Variants in UBN1 observed in about 807,000 individuals in gnomAD.
UBN1 encodes ubinuclein 1.
Under a neutral mutation model 108.5 loss-of-function variants are expected in UBN1, and 17 were observed. The observed-to-expected ratio is 0.16, with a 90% confidence interval of 0.11 to 0.24. The LOEUF is 0.24. Among genes scored for constraint, UBN1 ranks in the 10% least tolerant of loss-of-function variants. UBN1 has a pLI of 1.00. For synonymous variants in UBN1, 726 were observed against 564.2 expected (o/e 1.29, Z -4.07); for missense variants, 1,595 against 1,394.4 (o/e 1.14, Z -2.29).
intron 6 of UBN1, 136 bp downstream of exon 6, chr16:4,860,104 C>T (rs1337834396): frequency 1.0e-5 from 11 of 1,049,082 alleles, no homozygotes; most frequent in African/African-American, 3.2e-5. Context: ...GCACGCCTCC[C>T]GCAGTGCCAT....
intron 2 of UBN1, among the ~76,000 whole-genome samples, chr16:4,854,035 G>A (rs2086678755): frequency 6.6e-6 from 1 of 151,982 alleles, no homozygotes; most frequent in Admixed American, 6.6e-5. Context: ...TTAGATTTGT[G>A]GGGTTTTTTT....
At position 4,874,485 on chromosome 16, in the gene UBN1, A is replaced by C. The variant is rs1194152467; in HGVS notation, c.2075A>C (p.Glu692Ala). ...ALNSRAAGNS[E>A]FTLPAPSKAP... ...AATAGCAGAGCAGCTGGGAACTCTG[A>C]ATTCACACTGCCTGCACCCTCAAAA... Residue 692 changes from glutamate to alanine, a missense_variant, in exon 15 of 18, where the codon GAA becomes GCA. By Grantham distance (107) the Glu-to-Ala change is moderately radical. Around this residue, in one of 3 missense-constraint regions of UBN1, gnomAD observed 1,398 missense variants for 1,194.7 expected, o/e 1.17. Transcript: ENST00000262376. The C allele has an allele frequency of 6.2e-7, 1 of 1,614,214 alleles. No homozygotes were observed. Among genetic ancestry groups the C allele is most frequent in the Non-Finnish European group, 8.5e-7 (1 of 1,180,044 alleles).
intron 7 of UBN1, among the ~76,000 whole-genome samples, chr16:4,867,109 G>A (rs2087371999): frequency 6.6e-6 from 1 of 152,240 alleles, no homozygotes; most frequent in Non-Finnish European, 1.5e-5. Context: ...AATGCCATGT[G>A]AAGGAGTTTG....
chr16:4,866,433 C>G (rs554110301), intron 7 of UBN1, among the ~76,000 whole-genome samples: 18 of 152,226 alleles, frequency 1.2e-4, no homozygotes, highest in Non-Finnish European at 2.5e-4. Context: ...GATTCATTCA[C>G]TCAGTCAACA....
chr16:4,848,624 C>T (rs1418608518), intron 1 of UBN1, among the ~76,000 whole-genome samples: 2 of 152,118 alleles, frequency 1.3e-5, no homozygotes, highest in Admixed American at 6.5e-5. Flanking sequence ...GATCAGTTTC[C>T]CTGAAGTACC....
chr16:4,879,931 C>G (rs2088028627), intron 17 of UBN1, 152 bp from the exon 18 acceptor site: 1 of 778,416 alleles, frequency 1.3e-6, no homozygotes, highest in Non-Finnish European at 2.2e-6. Context: ...TAACTGCTGG[C>G]TGGTGTCTCA....
At chr16:4,871,048 A>G in intron 11 of UBN1, 76 bp downstream of exon 11, 6 of 1,604,054 alleles carry the variant, frequency 3.7e-6, no homozygotes, top group Non-Finnish European at 5.1e-6. Context: ...ATTGCTGACA[A>G]AGGTTAGGCT....
intron 2 of UBN1, among the ~76,000 whole-genome samples, chr16:4,854,210 T>C (rs2086688721): frequency 6.6e-6 from 1 of 151,350 alleles, no homozygotes; most frequent in African/African-American, 2.4e-5. Context: ...ATTTTTTGTA[T>C]TTTTAGTAGA....
At position 4,860,710 on chromosome 16, in the gene UBN1, T is replaced by C; in HGVS notation, c.718T>C (p.Ser240Pro). 3 of 1,613,812 alleles carry C rather than the reference T, an allele frequency of 1.9e-6. No homozygotes were observed. Among genetic ancestry groups the C allele is most frequent in the Non-Finnish European group, 2.5e-6 (3 of 1,179,990 alleles). Residue 240 changes from serine to proline, a missense_variant, in exon 7 of 18, where the codon TCT (serine) becomes CCT (proline). Transcript: ENST00000262376. ...TAAGGAGAAGAAGAAGAAGAAATAT[T>C]CTGGGGCTTTAAGCGTTAAAGAGAT... ...ASKEKKKKKY[S>P]GALSVKEMLK...
chr16:4,867,289 T>G (rs556083036), intron 7 of UBN1, among the ~76,000 whole-genome samples: 2 of 152,322 alleles, frequency 1.3e-5, no homozygotes, highest in African/African-American at 4.8e-5. Context: ...TCCACAGAAG[T>G]GCAGTTGACC....
chr16:4,877,799 A>T lies in UBN1; in HGVS notation c.3355+325A>T, dbSNP rs946909218. On this transcript the variant is annotated intron_variant, in intron 17 of 17. Coordinates refer to ENST00000262376, the MANE Select transcript of UBN1 (RefSeq NM_001079514.3). The surrounding 1 kb of genome is among the most constrained non-coding windows in gnomAD (Gnocchi z 4.3). ...CGGCTTGTTTTTTTCTCTTCAGTTTAAAAAAAAAAAAAAAGGGAAGGTAAT... is the reference window on the plus strand; with the variant it reads ...CGGCTTGTTTTTTTCTCTTCAGTTTTAAAAAAAAAAAAAAGGGAAGGTAAT... 18 of 296,530 alleles carry T rather than the reference A, an allele frequency of 6.1e-5. No homozygotes were observed. The East Asian group carries it at 2.0e-3, about 32-fold the overall frequency. The allele number at this position is 296,530 out of a possible 1,614,324, so 18.4% of individuals were successfully genotyped here. A position where few individuals can be genotyped will look rare whatever the true frequency, so the allele number is the denominator to read the frequency against.
rs2086256100 is a variant in UBN1, at chr16:4,847,571, G to A, written c.-679G>A. 7.5e-6 allele frequency: 3 copies of A among 401,384 alleles called. No homozygotes were observed. The highest frequency in any genetic ancestry group is 1.3e-5 in the Non-Finnish European group (3 of 224,052). The allele number at this position is 401,384 out of a possible 1,614,324, so 24.9% of individuals were successfully genotyped here. On this transcript the variant is annotated 5_prime_UTR_variant, in exon 1 of 18. Coordinates refer to ENST00000262376, the MANE Select transcript of UBN1 (RefSeq NM_001079514.3). Reference sequence around the variant, plus strand: ...CGACGGTGCGACCGGCTGAGCGCGAGAGGGAGCCGGCCTCGCGGCTCGCCC... The same window carrying A: ...CGACGGTGCGACCGGCTGAGCGCGAAAGGGAGCCGGCCTCGCGGCTCGCCC...
rs142787177 is a variant in UBN1, at chr16:4,866,804, G to A, written c.1111-2029G>A. On this transcript the variant is annotated intron_variant, in intron 7 of 17. Coordinates refer to ENST00000262376, the MANE Select transcript of UBN1 (RefSeq NM_001079514.3). The stretch of plus-strand genomic sequence containing the variant: ...TAGGATTACAGGTGTGAGCCACCGC[G>A]CCGGGCCAAGGTTCCATTCTTGTCT... 1.2e-3 allele frequency among the ~76,000 whole-genome samples: 176 copies of A among 152,346 alleles called. 2 individuals carry two copies. In the East Asian group the frequency reaches 0.018, roughly 16 times the overall value.
chr16:4,860,235 C>T (rs542245155), intron 6 of UBN1, among the ~76,000 whole-genome samples: 2 of 152,330 alleles, frequency 1.3e-5, no homozygotes, highest in South Asian at 2.1e-4. Context: ...CTCTCTGCCC[C>T]AGTTCTCCTT....
rs769175520 is a variant in UBN1, at chr16:4,871,200, C to T, written c.1605C>T (p.Asp535=). The change falls in exon 12 of 18, where the codon GAC becomes GAT. Residue 535 remains aspartate, a synonymous_variant. Coordinates refer to ENST00000262376, the MANE Select transcript of UBN1 (RefSeq NM_001079514.3). ...TGAAGATCAAACTGGAGAGCCAGGA[C>T]CTGGAGAGGAACAACAAAGCCCAGG... is the stretch of plus-strand genomic sequence containing the variant. ...QVVKIKLESQ[D]LERNNKAQAW... 6.2e-7 allele frequency: 1 copy of T among 1,614,188 alleles called. No individual in the cohort carries two copies. The highest frequency in any genetic ancestry group is 8.5e-7 in the Non-Finnish European group (1 of 1,180,038).
Position 4,870,343 on chromosome 16 carries a change from TG to T in UBN1, c.1311+5del. The stretch of plus-strand genomic sequence containing the variant: ...CGGAAACTTCACCTCTATGAACAGG[TG>T]GGTGACTCTAGAGTGAAGCCCTTTG... On this transcript the variant is annotated splice_donor_region_variant and intron_variant, in intron 9 of 17. Coordinates refer to ENST00000262376, the MANE Select transcript of UBN1 (RefSeq NM_001079514.3). 1 of 1,613,888 alleles carries T rather than the reference TG, an allele frequency of 6.2e-7. No individual in the cohort carries two copies.
chr16:4,863,730 A>G (rs1041705389), intron 7 of UBN1, among the ~76,000 whole-genome samples: 2 of 152,156 alleles, frequency 1.3e-5, no homozygotes, highest in Admixed American at 6.5e-5. Flanking sequence ...TTGCCTTGTC[A>G]TAGCAGTTCG....
intron 2 of UBN1, among the ~76,000 whole-genome samples, chr16:4,853,903 C>T (rs1000536199): frequency 6.6e-6 from 1 of 152,070 alleles, no homozygotes; most frequent in Admixed American, 6.6e-5. Flanking sequence ...CCCCATGTAA[C>T]CTGCACGTAG....
chr16:4,875,392 G>A lies in UBN1; in HGVS notation c.2982G>A (p.Lys994=). ...AGTTGCTGACCTCGCCGTCCCTAAAGCCCTCTGCAGTTAGTAGTGTGACAT... is the reference window on the plus strand; with the variant it reads ...AGTTGCTGACCTCGCCGTCCCTAAAACCCTCTGCAGTTAGTAGTGTGACAT... ...VAKLLTSPSL[K]PSAVSSVTSS... is the part of the protein sequence containing the mutation. Residue 994 remains lysine, a synonymous_variant, in exon 15 of 18, where the codon AAG becomes AAA. Coordinates refer to ENST00000262376, the MANE Select transcript of UBN1 (RefSeq NM_001079514.3). 6.2e-7 allele frequency: 1 copy of A among 1,614,032 alleles called. No homozygotes were observed. Among genetic ancestry groups the A allele is most frequent in the Non-Finnish European group, 8.5e-7 (1 of 1,179,970 alleles).
Sources: gnomAD v4.1 joint callset for allele counts (sites outside exome capture counted in the v4.1 genomes callset) on GRCh38, gnomAD v4.1.1 for gene constraint, gnomAD v4.1.1 regional missense constraint, Gnocchi (gnomAD v3.1) non-coding constraint, MANE v1.5 for transcripts, NCBI Gene and HGNC (gene_info 2026-07-23, HGNC 2026-07-21) for gene names.